RNF6: variants seen among roughly 807,000 people sequenced by gnomAD.
RNF6 encodes the protein ring finger protein 6.
In RNF6, 21 loss-of-function variants were observed where a neutral mutation model predicts 50.1. The ratio of observed to expected loss-of-function variants is 0.42; its 90% CI spans 0.30 to 0.60. RNF6 has a LOEUF of 0.60. Among genes scored for constraint, RNF6 ranks in the 20% least tolerant of loss-of-function variants. The pLI, the probability that RNF6 is intolerant of heterozygous loss-of-function variation, is 0.20. For synonymous variants in RNF6, 255 were observed against 291.8 expected (o/e 0.87, Z 1.29); for missense variants, 698 against 838.2 (o/e 0.83, Z 2.07).
At chr13:26,210,498 T>A (rs1869280134), downstream of RNF6, among the ~76,000 whole-genome samples, 1 of 152,206 alleles carries the variant, frequency 6.6e-6, no homozygotes, top group Non-Finnish European at 1.5e-5. Flanking sequence ...TTCTGTTATA[T>A]CTTTTAGGGG....
chr13:26,145,539 T>C (rs906839505), intron 5 of RNF6, among the ~76,000 whole-genome samples: 1 of 152,140 alleles, frequency 6.6e-6, no homozygotes, highest in Non-Finnish European at 1.5e-5. Context: ...CCCTTCCTTC[T>C]TCTCTCTTTG....
At chr13:26,142,105 G>A (rs971710407) in intron 5 of RNF6, among the ~76,000 whole-genome samples, 4 of 152,146 alleles carry the variant, frequency 2.6e-5, no homozygotes, top group Non-Finnish European at 5.9e-5. Context: ...AGACAAAGAA[G>A]CAGTCACCAA....
rs534016379 is a variant in RNF6, at chr13:26,183,855, T to G, written n.768+31619A>C. On this transcript the variant is annotated intron_variant and non_coding_transcript_variant, in intron 5 of 5. Transcript: ENST00000468480. Reference sequence around the variant, plus strand: ...ATCTACAATATATTCCTCGAATTATTTATATATTTTTATATATATAAAATA... The same window carrying G: ...ATCTACAATATATTCCTCGAATTATGTATATATTTTTATATATATAAAATA... 2.2e-3 allele frequency among the ~76,000 whole-genome samples: 320 copies of G among 144,496 alleles called. 2 individuals carry two copies. The highest frequency in any genetic ancestry group is 7.7e-3 in the African/African-American group (303 of 39,156). The allele number at this position is 144,496 out of a possible 152,430, so 94.8% of individuals were successfully genotyped here.
intron 5 of RNF6, among the ~76,000 whole-genome samples, chr13:26,154,899 G>T (rs1009836153): frequency 2.0e-5 from 3 of 151,860 alleles, no homozygotes; most frequent in Non-Finnish European, 4.4e-5. Context: ...ATGTGGTGGC[G>T]CACACCTGTA....
intron 5 of RNF6, among the ~76,000 whole-genome samples, chr13:26,160,476 A>G (rs1376895502): frequency 6.7e-6 from 1 of 150,210 alleles, no homozygotes; most frequent in Non-Finnish European, 1.5e-5. Context: ...CTCCCACCTC[A>G]GCCTCCCAAG....
At chr13:26,187,160 G>C (rs1346246603) in intron 5 of RNF6, among the ~76,000 whole-genome samples, 1 of 46,074 alleles carries the variant, frequency 2.2e-5, no homozygotes, top group East Asian at 4.0e-4. Context: ...GCCATCAGTG[G>C]GGCCACAGGC....
chr13:26,218,133 A>G (rs1218299295), intron 4 of RNF6, among the ~76,000 whole-genome samples: 1 of 152,244 alleles, frequency 6.6e-6, no homozygotes, highest in Non-Finnish European at 1.5e-5. Context: ...AGAACAAAGA[A>G]ACAAAAACAG....
At chr13:26,177,533 A>T (rs1306662389) in intron 5 of RNF6, among the ~76,000 whole-genome samples, 1 of 152,288 alleles carries the variant, frequency 6.6e-6, no homozygotes, top group East Asian at 1.9e-4. Context: ...CTATAATTCA[A>T]CACACAGGTG....
intron 5 of RNF6, among the ~76,000 whole-genome samples, chr13:26,169,188 G>A (rs1475875618): frequency 6.6e-6 from 1 of 152,128 alleles, no homozygotes; most frequent in Non-Finnish European, 1.5e-5. Context: ...TTCCCTGCCA[G>A]CTCATGCACC....
intron 5 of RNF6, among the ~76,000 whole-genome samples, chr13:26,205,428 G>T (rs1282661701): frequency 2.0e-5 from 3 of 152,048 alleles, no homozygotes; most frequent in South Asian, 2.1e-4. Flanking sequence ...CCTGTTAAGG[G>T]GTCATTGTTT....
downstream of RNF6, among the ~76,000 whole-genome samples, chr13:26,212,045 T>C (rs1485737486): frequency 1.3e-5 from 2 of 152,208 alleles, no homozygotes; most frequent in Non-Finnish European, 2.9e-5. Flanking sequence ...CTAGGGTAGA[T>C]AAGTGATGAC....
In RNF6 at chr13:26,148,638, A is replaced by C. The variant is rs1280900731; in HGVS notation, n.769-16187T>G. The stretch of plus-strand genomic sequence containing the variant: ...AACAATAGTATAAATCTCTTTATAT[A>C]TATATATATATATATATATATATAT... On this transcript the variant is annotated intron_variant and non_coding_transcript_variant, in intron 5 of 5. Transcript: ENST00000468480. 8.6e-4 allele frequency among the ~76,000 whole-genome samples: 79 copies of C among 91,594 alleles called. 1 individual carries two copies. Among genetic ancestry groups the C allele is most frequent in the African/African-American group, 2.8e-3 (79 of 28,234 alleles). 60.1% of individuals were successfully genotyped at this position (91,594 alleles called of 152,430 possible).
At chr13:26,173,081 A>G (rs2137638181) in intron 5 of RNF6, among the ~76,000 whole-genome samples, 1 of 152,360 alleles carries the variant, frequency 6.6e-6, no homozygotes, top group Non-Finnish European at 1.5e-5. Context: ...GACGAGGACA[A>G]TGCCAAAGAT....
intron 5 of RNF6, among the ~76,000 whole-genome samples, chr13:26,156,885 A>C (rs1204809149): frequency 6.6e-6 from 1 of 152,196 alleles, no homozygotes; most frequent in Non-Finnish European, 1.5e-5. Context: ...GAGTTTATAT[A>C]ACATGGGGAG....
At chr13:26,154,484 T>C (rs1222791563) in intron 5 of RNF6, among the ~76,000 whole-genome samples, 1 of 152,062 alleles carries the variant, frequency 6.6e-6, no homozygotes, top group African/African-American at 2.4e-5. Context: ...TGACAAAGAG[T>C]ACCATCTTTT....
chr13:26,219,810 C>T (rs1870291405), intron 2 of RNF6, 143 bp from the exon 3 acceptor site: 1 of 664,374 alleles, frequency 1.5e-6, no homozygotes, highest in Non-Finnish European at 2.5e-6. Flanking sequence ...CAGTGAGAAG[C>T]TTACATATAA....
intron 5 of RNF6, among the ~76,000 whole-genome samples, chr13:26,147,626 C>T (rs1356335998): frequency 1.3e-5 from 2 of 152,198 alleles, no homozygotes; most frequent in African/African-American, 4.8e-5. Flanking sequence ...ACATCCTCAT[C>T]CCAACTTTTA....
chr13:26,163,285 C>T (rs1414003028), intron 5 of RNF6, among the ~76,000 whole-genome samples: 1 of 151,084 alleles, frequency 6.6e-6, no homozygotes, highest in Non-Finnish European at 1.5e-5. Context: ...GCACTCCAGC[C>T]TGGGAGACAG....
intron 5 of RNF6, among the ~76,000 whole-genome samples, chr13:26,187,250 ACC>A (rs1331967441): frequency 6.6e-6 from 1 of 152,104 alleles, no homozygotes; most frequent in Non-Finnish European, 1.5e-5. Flanking sequence ...CGGACCGGGA[ACC>A]TGATAGGAGA....
Sources: gnomAD v4.1 joint callset for allele counts (sites outside exome capture counted in the v4.1 genomes callset) on GRCh38, gnomAD v4.1.1 for gene constraint, MANE v1.5 for transcripts, NCBI Gene and HGNC (gene_info 2026-07-23, HGNC 2026-07-21) for gene names.